Variants in PPP4R2 observed in about 807,000 individuals in gnomAD.
PPP4R2 encodes protein phosphatase 4 regulatory subunit 2.
A neutral mutation model predicts 47.2 loss-of-function variants in PPP4R2; 13 were observed. That is an observed-to-expected ratio of 0.28 (90% CI 0.18 to 0.44). PPP4R2 has a LOEUF of 0.44. PPP4R2 is among the 20% of genes least tolerant of loss of function. The pLI is 1.00. For synonymous variants in PPP4R2, 151 were observed against 163.3 expected (o/e 0.92, Z 0.57); for missense variants, 421 against 491.2 (o/e 0.86, Z 1.35).
intron 2 of PPP4R2, among the ~76,000 whole-genome samples, chr3:73,028,297 C>G (rs1702106681): frequency 6.6e-6 from 1 of 151,126 alleles, no homozygotes; most frequent in Non-Finnish European, 1.5e-5. Flanking sequence ...ACTCAGCCTC[C>G]CAAAGGCTGG....
rs190937864 is a variant in PPP4R2, at chr3:73,053,208, G to A, written c.288-5829G>A. On this transcript the variant is annotated intron_variant, in intron 3 of 8. Coordinates refer to ENST00000356692, the MANE Select transcript of PPP4R2 (RefSeq NM_174907.4). Reference sequence around the variant, plus strand: ...TATATTAGTTAAAATGTACTTATTTGTGGCAGATTTCTGTCTCTCTCACAT... The same window carrying A: ...TATATTAGTTAAAATGTACTTATTTATGGCAGATTTCTGTCTCTCTCACAT... 5.3e-5 allele frequency among the ~76,000 whole-genome samples: 8 copies of A among 152,222 alleles called. No homozygotes were observed. In the East Asian group the frequency reaches 1.5e-3, roughly 29 times the overall value.
intron 2 of PPP4R2, among the ~76,000 whole-genome samples, chr3:73,004,549 C>T (rs537792043): frequency 2.6e-5 from 4 of 152,142 alleles, no homozygotes; most frequent in Admixed American, 2.6e-4. Context: ...TCTGTCTTCC[C>T]ACCTCATCCT....
At chr3:73,065,295 G>T (rs1427185732) in intron 8 of PPP4R2, 102 bp from the exon 9 acceptor site, 1 of 1,330,968 alleles carries the variant, frequency 7.5e-7, no homozygotes, top group East Asian at 2.5e-5. Context: ...CTGAATTTCA[G>T]GGGATGTGAT....
At chr3:73,029,275 A>G (rs1702125692) in intron 2 of PPP4R2, among the ~76,000 whole-genome samples, 1 of 152,222 alleles carries the variant, frequency 6.6e-6, no homozygotes, top group Admixed American at 6.5e-5. Context: ...AAGTGACACT[A>G]TCAGACTTAA....
chr3:73,043,890 G>A (rs1376928501), intron 2 of PPP4R2, among the ~76,000 whole-genome samples: 1 of 152,090 alleles, frequency 6.6e-6, no homozygotes, highest in Non-Finnish European at 1.5e-5. Context: ...TTGAAACATT[G>A]TACACATTAA....
At chr3:73,056,571 T>C (rs1702736020) in intron 3 of PPP4R2, among the ~76,000 whole-genome samples, 1 of 152,174 alleles carries the variant, frequency 6.6e-6, no homozygotes, top group Non-Finnish European at 1.5e-5. Flanking sequence ...GTGCCATCTA[T>C]TGGATACTTG....
At chr3:73,013,621 T>A (rs1304456946) in intron 2 of PPP4R2, among the ~76,000 whole-genome samples, 1 of 151,252 alleles carries the variant, frequency 6.6e-6, no homozygotes, top group African/African-American at 2.4e-5. Flanking sequence ...GTTATTTTCT[T>A]TATTTAGATA....
rs189541689 is a variant in PPP4R2 at position 73,063,400 on chromosome 3, G to A, written c.420-273G>A. ...GCACTTTGGGAGGCCGAGGTGGGCC[G>A]ATCACTTGAGGTCATGAGTTTGAGG... On this transcript the variant is annotated intron_variant, in intron 5 of 8. Coordinates refer to ENST00000356692, the MANE Select transcript of PPP4R2 (RefSeq NM_174907.4). 126 of 275,176 alleles carry A rather than the reference G, an allele frequency of 4.6e-4. 1 individual carries two copies. The highest frequency in any genetic ancestry group is 2.4e-3 in the African/African-American group (106 of 43,714). 17.0% of individuals were successfully genotyped at this position (275,176 alleles called of 1,614,324 possible).
chr3:73,020,330 A>AGGTGTG, intron 2 of PPP4R2, among the ~76,000 whole-genome samples: 1 of 152,254 alleles, frequency 6.6e-6, no homozygotes, highest in African/African-American at 2.4e-5. Flanking sequence ...CTGAGACTAC[A>AGGTGTG]AGCACACATC....
At chr3:73,001,477 G>C (rs577542953) in intron 2 of PPP4R2, among the ~76,000 whole-genome samples, 2 of 126,820 alleles carry the variant, frequency 1.6e-5, no homozygotes, top group South Asian at 4.6e-4. Context: ...GGGAGGAGGA[G>C]GTAGGAGGAT....
intron 2 of PPP4R2, among the ~76,000 whole-genome samples, chr3:73,004,944 CGTGTGTGTG>C (rs1436820047): frequency 2.6e-5 from 3 of 116,950 alleles, no homozygotes; most frequent in Non-Finnish European, 5.2e-5. Context: ...GAGTCGGAGT[CGTGTGTGTG>C]TGTGTGTGTG....
chr3:73,043,538 A>G (rs1575872374), intron 2 of PPP4R2, among the ~76,000 whole-genome samples: 1 of 152,140 alleles, frequency 6.6e-6, no homozygotes, highest in Non-Finnish European at 1.5e-5. Flanking sequence ...AAGCAACTAC[A>G]CCATTTTACT....
At chr3:73,011,623 G>A (rs1047052065) in intron 2 of PPP4R2, among the ~76,000 whole-genome samples, 5 of 152,286 alleles carry the variant, frequency 3.3e-5, no homozygotes, top group African/African-American at 1.2e-4. Flanking sequence ...TGAGAAGGTT[G>A]AGTGTGGGTC....
At chr3:73,064,331 A>C (rs1702937814) in intron 7 of PPP4R2, among the ~76,000 whole-genome samples, 185 bp downstream of exon 7, 1 of 152,222 alleles carries the variant, frequency 6.6e-6, no homozygotes, top group African/African-American at 2.4e-5. Flanking sequence ...GACAAGACTT[A>C]AAACTGCTAA....
At chr3:73,056,015 G>A (rs1475467105) in intron 3 of PPP4R2, among the ~76,000 whole-genome samples, 1 of 152,194 alleles carries the variant, frequency 6.6e-6, no homozygotes, top group African/African-American at 2.4e-5. Flanking sequence ...AGTGGCATGT[G>A]TGTTTAACGC....
intron 2 of PPP4R2, among the ~76,000 whole-genome samples, chr3:73,031,377 T>C (rs1263474293): frequency 6.6e-6 from 1 of 152,034 alleles, no homozygotes; most frequent in East Asian, 1.9e-4. Flanking sequence ...CTGTCTCTGC[T>C]AATAATACAA....
intron 2 of PPP4R2, among the ~76,000 whole-genome samples, chr3:72,999,362 A>G (rs1263972559): frequency 6.6e-6 from 1 of 152,270 alleles, no homozygotes; most frequent in Non-Finnish European, 1.5e-5. Context: ...AAAAATGACC[A>G]CATGCCATCT....
rs1455405744 is a variant in PPP4R2 at position 73,066,235 on chromosome 3, C to CATATATAT, written c.*516_*517insTATATATA. ...ACAATGGAACTTTAAGTCATATATACATACATATATATATATATATATATA... is the reference window on the plus strand; with the variant it reads ...ACAATGGAACTTTAAGTCATATATACATATATATATACATATATATATATATATATATA... On this transcript the variant is annotated 3_prime_UTR_variant, in exon 9 of 9. Transcript: ENST00000356692. 1 of 80,004 alleles carries CATATATAT rather than the reference C, an allele frequency of 1.2e-5. No individual in the cohort carries two copies. Among genetic ancestry groups the CATATATAT allele is most frequent in the African/African-American group, 5.1e-5 (1 of 19,750 alleles). The allele number at this position is 80,004 out of a possible 1,614,324, so 5.0% of individuals were successfully genotyped here. A position where few individuals can be genotyped will look rare whatever the true frequency, so the allele number is the denominator to read the frequency against.
rs1313524564 is a variant in PPP4R2, at chr3:73,067,327, T to C, written c.*1605T>C. 1 of 152,080 alleles carries C rather than the reference T, an allele frequency of 6.6e-6. No individual in the cohort carries two copies. Among genetic ancestry groups the C allele is most frequent in the African/African-American group, 2.4e-5 (1 of 41,422 alleles). 9.4% of individuals were successfully genotyped at this position (152,080 alleles called of 1,614,324 possible). A position where few individuals can be genotyped will look rare whatever the true frequency, so the allele number is the denominator to read the frequency against. On this transcript the variant is annotated 3_prime_UTR_variant, in exon 9 of 9. Coordinates refer to ENST00000356692, the MANE Select transcript of PPP4R2 (RefSeq NM_174907.4). Reference sequence around the variant, plus strand: ...CTGTATAATATGCTTTTGGGTGATTTGGGGGGCAACCACAAGTTTTGCGTT... The same window carrying C: ...CTGTATAATATGCTTTTGGGTGATTCGGGGGGCAACCACAAGTTTTGCGTT...
Sources: gnomAD v4.1 joint callset for allele counts (sites outside exome capture counted in the v4.1 genomes callset) on GRCh38, gnomAD v4.1.1 for gene constraint, MANE v1.5 for transcripts, NCBI Gene and HGNC (gene_info 2026-07-23, HGNC 2026-07-21) for gene names.